The following XPNPEP3 variants were observed in gnomAD, a reference collection of about 807,000 sequenced individuals.
The protein encoded by XPNPEP3 is X-prolyl aminopeptidase 3.
A neutral mutation model predicts 60.0 loss-of-function variants in XPNPEP3; 41 were observed. The ratio of observed to expected loss-of-function variants is 0.68; its 90% CI spans 0.53 to 0.89. The LOEUF (loss-of-function observed/expected upper bound fraction) is 0.89. Ranked by LOEUF, XPNPEP3 falls within the 40% of genes least tolerant of loss-of-function variation. The pLI is 0.00. For synonymous variants in XPNPEP3, 212 were observed against 223.2 expected, an observed-to-expected ratio of 0.95 and a Z score of 0.45; for missense variants, 598 against 638.9, an observed-to-expected ratio of 0.94 and a Z score of 0.69.
Position 40,931,628 on chromosome 22 carries a change from C to G in XPNPEP3, c.*5193C>G, listed in dbSNP as rs924233973. 6.6e-6 allele frequency: 1 copy of G among 152,116 alleles called. No homozygotes were observed. Among genetic ancestry groups the G allele is most frequent in the Non-Finnish European group, 1.5e-5 (1 of 68,076 alleles). 9.4% of individuals were successfully genotyped at this position (152,116 alleles called of 1,614,324 possible). ...ACTCAGGAGGCTGAGGTGGGAGGAT[C>G]GCTTGAGCTTAGGAGGTCAAGGCTG... On this transcript the variant is annotated 3_prime_UTR_variant, in exon 10 of 10. Transcript: ENST00000357137.
intron 1 of XPNPEP3, among the ~76,000 whole-genome samples, chr22:40,868,421 ATGTGTGCGTGTGTG>A: frequency 6.7e-6 from 1 of 148,232 alleles, no homozygotes; most frequent in South Asian, 2.1e-4. Context: ...TTTATTATAT[ATGTGTGCGTGTGTG>A]TGTGTGTGTG....
chr22:40,866,580 G>A (rs952579137), intron 1 of XPNPEP3, among the ~76,000 whole-genome samples: 19 of 152,126 alleles, frequency 1.2e-4, no homozygotes, highest in African/African-American at 4.3e-4. Flanking sequence ...CTGCAATAAT[G>A]TTTTTTGAGG....
chr22:40,875,582 T>C (rs1483273538), intron 2 of XPNPEP3, among the ~76,000 whole-genome samples: 11 of 152,156 alleles, frequency 7.2e-5, no homozygotes, highest in Non-Finnish European at 2.9e-5. Flanking sequence ...ATACCAATAA[T>C]CTGTAAACCA....
Position 40,870,997 on chromosome 22 carries a change from C to T in XPNPEP3, c.181+1882C>T, listed in dbSNP as rs1038641673. Among the ~76,000 whole-genome samples, 39 of 151,816 alleles carry T rather than the reference C, an allele frequency of 2.6e-4. 1 individual carries two copies. Among genetic ancestry groups the T allele is most frequent in the African/African-American group, 6.8e-4 (28 of 41,310 alleles). ...TGAGCCAGAATTGTGCCACTGCACT[C>T]CAGCTTGGGGGACAGAGGGAGACTC... On this transcript the variant is annotated intron_variant, in intron 2 of 9. Transcript: ENST00000357137.
intron 1 of XPNPEP3, among the ~76,000 whole-genome samples, chr22:40,865,228 C>T (rs1034139858): frequency 2.0e-5 from 3 of 152,040 alleles, no homozygotes; most frequent in Non-Finnish European, 4.4e-5. Flanking sequence ...CTGCTAAAAT[C>T]GCCAGGGTCT....
intron 4 of XPNPEP3, among the ~76,000 whole-genome samples, chr22:40,894,088 G>A (rs527364315): frequency 8.5e-5 from 13 of 152,260 alleles, no homozygotes; most frequent in African/African-American, 2.9e-4. Context: ...CAGGAGGATC[G>A]CTTGAGGCCA....
At chr22:40,903,269 A>G (rs1601512318) in intron 4 of XPNPEP3, among the ~76,000 whole-genome samples, 1 of 152,276 alleles carries the variant, frequency 6.6e-6, no homozygotes, top group East Asian at 1.9e-4. Flanking sequence ...CTGCTTCTCT[A>G]TATTCTACCT....
intron 4 of XPNPEP3, among the ~76,000 whole-genome samples, chr22:40,890,545 G>T (rs1359558908): frequency 6.6e-6 from 1 of 151,798 alleles, no homozygotes; most frequent in East Asian, 1.9e-4. Flanking sequence ...TCTCAAAAAA[G>T]AATAATAAAA....
chr22:40,900,955 A>T (rs1367697801), intron 4 of XPNPEP3, among the ~76,000 whole-genome samples: 1 of 151,876 alleles, frequency 6.6e-6, no homozygotes, highest in African/African-American at 2.4e-5. Flanking sequence ...ATCTTAAAAA[A>T]TAATAAAAAA....
intron 1 of XPNPEP3, chr22:40,861,765 C>A (rs1441253846): frequency 6.2e-7 from 1 of 1,613,434 alleles, no homozygotes; most frequent in Admixed American, 1.7e-5. Flanking sequence ...AAAATGACTT[C>A]CACCTCCGTT....
intron 7 of XPNPEP3, among the ~76,000 whole-genome samples, chr22:40,919,414 G>T (rs1169932750): frequency 6.6e-6 from 1 of 152,198 alleles, no homozygotes; most frequent in Non-Finnish European, 1.5e-5. Flanking sequence ...AATTAGCTGG[G>T]TGTGGTGGCA....
chr22:40,870,346 C>A, intron 2 of XPNPEP3: 2 of 238,648 alleles, frequency 8.4e-6, no homozygotes, highest in Non-Finnish European at 8.5e-6. Flanking sequence ...AGATAATGGC[C>A]TCTGTATCTA....
chr22:40,920,595 G>A (rs2058212742), intron 7 of XPNPEP3, among the ~76,000 whole-genome samples: 1 of 152,140 alleles, frequency 6.6e-6, no homozygotes, highest in African/African-American at 2.4e-5. Flanking sequence ...AGCCAGCTAG[G>A]CAACAAACTG....
intron 7 of XPNPEP3, among the ~76,000 whole-genome samples, chr22:40,920,259 T>C (rs1324842765): frequency 1.3e-5 from 2 of 151,944 alleles, no homozygotes; most frequent in African/African-American, 2.4e-5. Context: ...TCCCAGCTAC[T>C]TGGGAGGCCG....
At chr22:40,874,368 A>T (rs1569017596) in intron 2 of XPNPEP3, among the ~76,000 whole-genome samples, 1 of 152,076 alleles carries the variant, frequency 6.6e-6, no homozygotes, top group South Asian at 2.1e-4. Context: ...ACGTGCTAGG[A>T]CTCTATAAAT....
At chr22:40,918,845 T>G (rs2058206043) in intron 7 of XPNPEP3, among the ~76,000 whole-genome samples, 1 of 151,104 alleles carries the variant, frequency 6.6e-6, no homozygotes, top group East Asian at 1.9e-4. Context: ...TAATTTTTTT[T>G]TCTTTTTTTT....
intron 1 of XPNPEP3, among the ~76,000 whole-genome samples, chr22:40,865,278 G>T (rs1349879297): frequency 6.7e-6 from 1 of 149,880 alleles, no homozygotes; most frequent in Admixed American, 6.7e-5. Context: ...TTGTCCTTTT[G>T]GCTTCCTTGT....
chr22:40,906,204 G>T (rs975688619), intron 4 of XPNPEP3, among the ~76,000 whole-genome samples: 1 of 152,118 alleles, frequency 6.6e-6, no homozygotes, highest in African/African-American at 2.4e-5. Flanking sequence ...GCGTCCTGAA[G>T]TGCTGGGTTA....
intron 2 of XPNPEP3, among the ~76,000 whole-genome samples, chr22:40,875,220 G>C (rs2058023129): frequency 6.6e-6 from 1 of 151,978 alleles, no homozygotes; most frequent in Admixed American, 6.6e-5. Context: ...CTGTCTCCCA[G>C]GCTAAACTGC....
Sources: allele counts gnomAD v4.1 joint callset (sites outside exome capture counted in the v4.1 genomes callset), GRCh38; gene constraint gnomAD v4.1.1; transcripts MANE v1.5; gene names NCBI Gene and HGNC (gene_info 2026-07-23, HGNC 2026-07-21).